The following COL11A1 variants were observed in gnomAD, a reference collection of about 807,000 sequenced individuals.
COL11A1 encodes the protein collagen type XI alpha 1 chain.
In COL11A1, 74 loss-of-function variants were observed where a neutral mutation model predicts 265.2. That is an observed-to-expected ratio of 0.28 (90% CI 0.23 to 0.34). The LOEUF (loss-of-function observed/expected upper bound fraction) is 0.34. Among genes scored for constraint, COL11A1 ranks in the 10% least tolerant of loss-of-function variants. The pLI, the probability that COL11A1 is intolerant of heterozygous loss-of-function variation, is 1.00. For missense variants in COL11A1, 2,165 were observed against 2,263.6 expected, an observed-to-expected ratio of 0.96 and a Z score of 0.88; for synonymous variants, 816 against 727.6, an observed-to-expected ratio of 1.12 and a Z score of -1.96.
Position 102,930,540 on chromosome 1 carries a change from G to C in COL11A1, c.3600+3909C>G, listed in dbSNP as rs1475526946. ...TGCATCAATGTTCATCAAGGATATTGGTCTAAAATTCTCTTTTTTGGTTGT... is the reference window on the plus strand; with the variant it reads ...TGCATCAATGTTCATCAAGGATATTCGTCTAAAATTCTCTTTTTTGGTTGT... On this transcript the variant is annotated intron_variant, in intron 46 of 66. Transcript: ENST00000370096. 7.2e-5 allele frequency among the ~76,000 whole-genome samples: 11 copies of C among 152,144 alleles called. No individual in the cohort carries two copies. The East Asian group carries it at 2.1e-3, about 29-fold the overall frequency.
intron 13 of COL11A1, 56 bp from the exon 14 acceptor site, chr1:103,012,525 G>C: frequency 7.5e-7 from 1 of 1,327,478 alleles, no homozygotes; most frequent in Non-Finnish European, 1.1e-6. Flanking sequence ...GCACATTAAA[G>C]TACAATATGA....
chr1:102,997,833 G>T (rs1429534406), intron 25 of COL11A1, among the ~76,000 whole-genome samples: 1 of 151,880 alleles, frequency 6.6e-6, no homozygotes, highest in East Asian at 1.9e-4. Flanking sequence ...AGAAATCTGT[G>T]AAGGCTGAGA....
At chr1:102,957,607 A>T (rs1028779324) in intron 41 of COL11A1, among the ~76,000 whole-genome samples, 3 of 152,110 alleles carry the variant, frequency 2.0e-5, no homozygotes, top group Non-Finnish European at 4.4e-5. Context: ...TCTTCGATTC[A>T]TTCAAAATAA....
chr1:103,009,559 C>T (rs1665931323), intron 14 of COL11A1, among the ~76,000 whole-genome samples: 1 of 152,094 alleles, frequency 6.6e-6, no homozygotes, highest in Non-Finnish European at 1.5e-5. Flanking sequence ...CACATATCCC[C>T]AAAAACTTTC....
chr1:103,023,959 C>A (rs1455647213), intron 7 of COL11A1, among the ~76,000 whole-genome samples: 1 of 152,022 alleles, frequency 6.6e-6, no homozygotes, highest in Non-Finnish European at 1.5e-5. Flanking sequence ...TTAATTAATA[C>A]TTACAAGTAA....
At chr1:103,078,553 C>T in intron 3 of COL11A1, 105 bp downstream of exon 3, 1 of 1,036,738 alleles carries the variant, frequency 9.6e-7, no homozygotes, top group Admixed American at 2.0e-5. Context: ...TATTTATCAC[C>T]AGCCTCTAGA....
chr1:103,036,355 ACT>A lies in COL11A1; in HGVS notation c.652-5113_652-5112del, dbSNP rs1286808629. Among the ~76,000 whole-genome samples, 5 of 145,550 alleles carry A rather than the reference ACT, an allele frequency of 3.4e-5. No homozygotes were observed. In the East Asian group the frequency reaches 9.9e-4, roughly 29 times the overall value. The stretch of plus-strand genomic sequence containing the variant: ...ATATATATATATATATATATATGAT[ACT>A]TATGTATATAAATATATATTATATA... On this transcript the variant is annotated intron_variant, in intron 4 of 66. Coordinates refer to ENST00000370096, the MANE Select transcript of COL11A1 (RefSeq NM_001854.4).
In COL11A1 at chr1:102,878,052, T is replaced by C; in HGVS notation, c.5388A>G (p.Gly1796=). 6.2e-7 allele frequency: 1 copy of C among 1,613,694 alleles called. No homozygotes were observed. The highest frequency in any genetic ancestry group is 1.1e-5 in the South Asian group (1 of 91,072). ...GAAAACAAACAGGACCAACTTCAAATCCGAACTTCTGATTCTGATCACCAA... is the reference window on the plus strand; with the variant it reads ...GAAAACAAACAGGACCAACTTCAAACCCGAACTTCTGATTCTGATCACCAA... ...NDFGDQNQKF[G]FEVGPVCFLG Residue 1796 remains glycine (G), a synonymous_variant, in exon 67 of 67, where the codon GGA becomes GGG. Transcript: ENST00000370096.
chr1:103,069,686 T>C (rs1169440414), intron 4 of COL11A1, among the ~76,000 whole-genome samples: 1 of 151,986 alleles, frequency 6.6e-6, no homozygotes, highest in Non-Finnish European at 1.5e-5. Context: ...TAAAGTTTTA[T>C]ATACTCTTAA....
chr1:102,913,583 A>AAAAT, intron 53 of COL11A1, 54 bp downstream of exon 53: 1 of 1,477,118 alleles, frequency 6.8e-7, no homozygotes, highest in South Asian at 1.1e-5. Flanking sequence ...TTATCTCATT[A>AAAAT]AAATGCCTTG....
At chr1:102,919,323 A>C (rs936971197) in intron 49 of COL11A1, among the ~76,000 whole-genome samples, 1 of 114,272 alleles carries the variant, frequency 8.8e-6, no homozygotes, top group Non-Finnish European at 2.0e-5. Flanking sequence ...GTCAAGCTGA[A>C]GTAGATATCA....
intron 11 of COL11A1, 115 bp from the exon 12 acceptor site, chr1:103,015,857 C>T (rs748583905): frequency 5.8e-4 from 404 of 696,040 alleles, no homozygotes; most frequent in Non-Finnish European, 7.7e-4. Context: ...CCCTTTCCAC[C>T]TTATTTAGTC....
intron 57 of COL11A1, among the ~76,000 whole-genome samples, chr1:102,891,818 G>A (rs1241166): frequency 0.086 from 13,100 of 152,030 alleles, 663 homozygotes; most frequent in Middle Eastern, 0.17. Flanking sequence ...ATGAGTTTGA[G>A]GCTTCGGTGA....
At chr1:102,931,410 A>T (rs1657421211) in intron 46 of COL11A1, among the ~76,000 whole-genome samples, 1 of 150,322 alleles carries the variant, frequency 6.7e-6, no homozygotes, top group Non-Finnish European at 1.5e-5. Context: ...GTTTTGAGTG[A>T]GATTCTTAAT....
rs1050045608 is a variant in COL11A1, at chr1:102,978,997, A to G, written c.2655+63T>C. The G allele has an allele frequency of 6.2e-6, 10 of 1,608,500 alleles. No individual in the cohort carries two copies. In the African/African-American group the frequency reaches 1.1e-4, roughly 17 times the overall value. On this transcript the variant is annotated intron_variant, in intron 33 of 66. Transcript: ENST00000370096. ...AATCAATTTTTATTTTTGAAAAATA[A>G]ATTATCTTGATACACTAAATTCAAT...
intron 4 of COL11A1, among the ~76,000 whole-genome samples, chr1:103,034,230 G>A (rs1668191590): frequency 6.6e-6 from 1 of 152,038 alleles, no homozygotes; most frequent in Non-Finnish European, 1.5e-5. Context: ...TGACCATGTA[G>A]ATTAAGGTGT....
intron 44 of COL11A1, among the ~76,000 whole-genome samples, 191 bp from the exon 45 acceptor site, chr1:102,935,304 A>G (rs1434891838): frequency 6.6e-6 from 1 of 152,216 alleles, no homozygotes; most frequent in Non-Finnish European, 1.5e-5. Context: ...AAGCTTTCAC[A>G]TTTGAAATCA....
At chr1:103,088,660 CTG>C (rs1002462034) in intron 1 of COL11A1, among the ~76,000 whole-genome samples, 1 of 152,236 alleles carries the variant, frequency 6.6e-6, no homozygotes, top group African/African-American at 2.4e-5. Context: ...GCAACAGAGA[CTG>C]TGTGCTCACA....
rs766508371 is a variant in COL11A1, at chr1:103,025,585, T to A, written c.926A>T (p.Tyr309Phe). The change falls in exon 7 of 67, where the codon TAC becomes TTC. Residue 309 changes from tyrosine to phenylalanine, a missense_variant. Physicochemically the swap from Tyr to Phe is conservative, Grantham distance 22 (BLOSUM62 3). Coordinates refer to ENST00000370096, the MANE Select transcript of COL11A1 (RefSeq NM_001854.4). The stretch of plus-strand genomic sequence containing the variant: ...GTAACTTTCCATTGTTCCATAGTTG[T>A]ATTCTTGAAAATCATCAACGATGTT... Reference protein sequence around the residue: ...EANIVDDFQEYNYGTMESYQT... With the variant: ...EANIVDDFQEFNYGTMESYQT... 1.1e-5 allele frequency: 17 copies of A among 1,613,652 alleles called. No individual in the cohort carries two copies. Among genetic ancestry groups the A allele is most frequent in the Non-Finnish European group, 1.4e-5 (16 of 1,179,850 alleles).
Sources: gnomAD v4.1 joint callset for allele counts (sites outside exome capture counted in the v4.1 genomes callset) on GRCh38, gnomAD v4.1.1 for gene constraint, MANE v1.5 for transcripts, NCBI Gene and HGNC (gene_info 2026-07-23, HGNC 2026-07-21) for gene names.